SLC39A11: variants seen among roughly 807,000 people sequenced by gnomAD.
SLC39A11 encodes solute carrier family 39 member 11, also known as zinc transporter ZIP11.
In SLC39A11, 33 loss-of-function variants were observed where a neutral mutation model predicts 36.1. That is an observed-to-expected ratio of 0.91 (90% CI 0.69 to 1.22). SLC39A11 has a LOEUF of 1.22. SLC39A11 is among the 50% of genes most tolerant of loss of function. SLC39A11 has a pLI of 0.00. For missense variants in SLC39A11, 432 were observed against 430.3 expected (o/e 1.00, Z -0.03); for synonymous variants, 166 against 170.3 (o/e 0.97, Z 0.20).
chr17:73,041,009 C>CAA (rs201482199), intron 3 of SLC39A11, among the ~76,000 whole-genome samples: 2,050 of 140,098 alleles, frequency 0.015, 52 homozygotes, highest in African/African-American at 0.049. Flanking sequence ...AAACAAAAAA[C>CAA]AAAAAAAAAA....
At chr17:72,692,070 G>A (rs968357237) in intron 7 of SLC39A11, among the ~76,000 whole-genome samples, 13 of 151,798 alleles carry the variant, frequency 8.6e-5, no homozygotes, top group African/African-American at 3.1e-4. Flanking sequence ...GAGTGCAGTG[G>A]CGCGATCTCG....
intron 4 of SLC39A11, among the ~76,000 whole-genome samples, chr17:73,026,140 G>A (rs2058528948): frequency 6.7e-6 from 1 of 148,722 alleles, no homozygotes; most frequent in African/African-American, 2.5e-5. Context: ...GAGAAGAGAA[G>A]AGAAAAGAGA....
rs140687975 is a variant in SLC39A11, at chr17:72,710,392, G to A, written c.671+26258C>T. ...CAAAGACCCAGTGCAGTAGTATTAA[G>A]AGGTGGGGCTTTTGGGGAAGTGATT... On this transcript the variant is annotated intron_variant, in intron 7 of 9. Coordinates refer to ENST00000255559, the MANE Select transcript of SLC39A11 (RefSeq NM_139177.4). Among the ~76,000 whole-genome samples, 249 of 152,364 alleles carry A rather than the reference G, an allele frequency of 1.6e-3. 2 individuals are homozygous for A. The highest frequency in any genetic ancestry group is 5.6e-3 in the African/African-American group (233 of 41,588).
chr17:72,837,697 A>G (rs1165980707), intron 6 of SLC39A11: 3 of 197,104 alleles, frequency 1.5e-5, no homozygotes, highest in African/African-American at 6.9e-5. Context: ...AGAATAGAGT[A>G]TTATCTGGCC....
chr17:73,026,896 T>C (rs916671100), intron 4 of SLC39A11, among the ~76,000 whole-genome samples: 6 of 151,834 alleles, frequency 4.0e-5, no homozygotes, highest in Non-Finnish European at 8.8e-5. Flanking sequence ...AGTAGGAGGA[T>C]TGCTTGAGCT....
intron 5 of SLC39A11, among the ~76,000 whole-genome samples, chr17:72,861,741 TA>T (rs1438216858): frequency 0.19 from 113 of 584 alleles, 4 homozygotes; most frequent in African/African-American, 0.38. Flanking sequence ...CATTGGAGAT[TA>T]TATATATATA....
intron 5 of SLC39A11, among the ~76,000 whole-genome samples, chr17:72,928,042 C>A (rs1386051486): frequency 1.3e-5 from 2 of 150,608 alleles, no homozygotes; most frequent in East Asian, 1.9e-4. Flanking sequence ...CTGATTGCTC[C>A]AAAAAAAAAG....
chr17:72,892,384 T>C (rs969417173), intron 5 of SLC39A11, among the ~76,000 whole-genome samples: 29 of 139,084 alleles, frequency 2.1e-4, no homozygotes, highest in African/African-American at 7.9e-4. Context: ...CACTCCAGCC[T>C]GGGCAACAAA....
intron 7 of SLC39A11, among the ~76,000 whole-genome samples, chr17:72,708,733 C>T (rs904231823): frequency 2.0e-5 from 3 of 152,198 alleles, no homozygotes; most frequent in Non-Finnish European, 2.9e-5. Context: ...TTCTTCCCAA[C>T]CCATGACTGA....
chr17:72,712,791 T>A (rs922259726), intron 7 of SLC39A11: 3 of 152,052 alleles, frequency 2.0e-5, no homozygotes, highest in South Asian at 2.1e-4. Flanking sequence ...TTTAAAAAAA[T>A]TTTTACCTTG....
chr17:73,077,381 G>A (rs1406172166), intron 3 of SLC39A11, among the ~76,000 whole-genome samples: 1 of 152,204 alleles, frequency 6.6e-6, no homozygotes, highest in Admixed American at 6.5e-5. Context: ...GCAATGGCAC[G>A]ATCTTGGCTC....
chr17:72,951,542 A>G (rs1314553868), intron 4 of SLC39A11, among the ~76,000 whole-genome samples: 1 of 152,176 alleles, frequency 6.6e-6, no homozygotes, highest in Non-Finnish European at 1.5e-5. Context: ...TGTCCTCATG[A>G]ATCCTACATT....
chr17:73,004,251 AGC>A (rs2090062358), intron 4 of SLC39A11, among the ~76,000 whole-genome samples: 1 of 152,118 alleles, frequency 6.6e-6, no homozygotes, highest in Non-Finnish European at 1.5e-5. Context: ...AAAGAGAAAA[AGC>A]AAGCAAGCCA....
chr17:73,079,282 A>G (rs1298690311), intron 3 of SLC39A11, among the ~76,000 whole-genome samples: 1 of 152,094 alleles, frequency 6.6e-6, no homozygotes, highest in African/African-American at 2.4e-5. Context: ...TTTTTAGCAG[A>G]GACGGGGTTT....
At chr17:72,747,806 A>T (rs532261281) in intron 6 of SLC39A11, among the ~76,000 whole-genome samples, 1 of 152,312 alleles carries the variant, frequency 6.6e-6, no homozygotes, top group East Asian at 1.9e-4. Context: ...TATTAAACCA[A>T]ATGTTGGTAG....
At chr17:72,917,942 C>T (rs2083426200) in intron 5 of SLC39A11, among the ~76,000 whole-genome samples, 1 of 152,194 alleles carries the variant, frequency 6.6e-6, no homozygotes, top group Admixed American at 6.5e-5. Context: ...GGCCAAGGAA[C>T]AGAATGAAAC....
intron 7 of SLC39A11, among the ~76,000 whole-genome samples, chr17:72,664,614 C>T (rs1400795290): frequency 6.6e-6 from 1 of 152,236 alleles, no homozygotes; most frequent in African/African-American, 2.4e-5. Context: ...AGTCTCCCTG[C>T]TTCCACCTTT....
chr17:72,647,609 A>G lies in SLC39A11; in HGVS notation c.983T>C (p.Met328Thr). The G allele has an allele frequency of 6.2e-7, 1 of 1,614,012 alleles. No individual in the cohort carries two copies. The highest frequency in any genetic ancestry group is 8.5e-7 in the Non-Finnish European group (1 of 1,179,936). Residue 328 changes from methionine (M) to threonine (T), a missense_variant, in exon 10 of 10, where the codon ATG becomes ACG. Transcript: ENST00000255559. ...CTAGCCCAGGCCAACGTCCAGTGAC[A>G]TCATCACTACAAATCCCAGGATGGA... ...WASILGFVVMMSLDVGLG is the reference protein window; with the variant it reads ...WASILGFVVMTSLDVGLG
chr17:72,865,421 A>AC (rs1234620096), intron 5 of SLC39A11, among the ~76,000 whole-genome samples: 4 of 151,876 alleles, frequency 2.6e-5, no homozygotes, highest in Admixed American at 6.6e-5. Context: ...GAAAAAAAAA[A>AC]AAAAAACAAC....
Sources: allele counts gnomAD v4.1 joint callset (sites outside exome capture counted in the v4.1 genomes callset), GRCh38; gene constraint gnomAD v4.1.1; transcripts MANE v1.5; gene names NCBI Gene and HGNC (gene_info 2026-07-23, HGNC 2026-07-21).